MAPKAP1: variants seen among roughly 807,000 people sequenced by gnomAD.
The protein encoded by MAPKAP1 is MAPK associated protein 1.
A neutral mutation model predicts 65.7 loss-of-function variants in MAPKAP1; 20 were observed. That is an observed-to-expected ratio of 0.30 (90% CI 0.21 to 0.44). The LOEUF is 0.44. MAPKAP1 is among the 20% of genes least tolerant of loss of function. The pLI is 1.00. For synonymous variants in MAPKAP1, 222 were observed against 244.3 expected (o/e 0.91, Z 0.85); for missense variants, 423 against 648.0 (o/e 0.65, Z 3.77).
chr9:125,522,460 GGCCTC>G (rs1829647571), intron 7 of MAPKAP1, among the ~76,000 whole-genome samples: 1 of 152,162 alleles, frequency 6.6e-6, no homozygotes, highest in South Asian at 2.1e-4. Flanking sequence ...CTCTGCATCT[GGCCTC>G]TAAGGACTTG....
At chr9:125,513,781 C>T (rs974648509) in intron 7 of MAPKAP1, among the ~76,000 whole-genome samples, 4 of 152,078 alleles carry the variant, frequency 2.6e-5, no homozygotes, top group South Asian at 2.1e-4. Context: ...GAGGGCACAC[C>T]GGGGCAGGGA....
In MAPKAP1 at chr9:125,672,649, A is replaced by C; in HGVS notation, c.-69-6T>G. On this transcript the variant is annotated splice_polypyrimidine_tract_variant and splice_region_variant and intron_variant, in intron 1 of 11. Transcript: ENST00000265960. ...TGTTTCACGAGCTCACCTACCTAGA[A>C]ACATGATGTACACAGCAAATATTTA... The C allele has an allele frequency of 2.0e-6, 3 of 1,498,742 alleles. No individual in the cohort carries two copies. The highest frequency in any genetic ancestry group is 2.8e-6 in the Non-Finnish European group (3 of 1,089,450). The allele number at this position is 1,498,742 out of a possible 1,614,324, so 92.8% of individuals were successfully genotyped here. A position where few individuals can be genotyped will look rare whatever the true frequency, so the allele number is the denominator to read the frequency against.
chr9:125,564,926 C>T (rs1831002723), intron 5 of MAPKAP1, among the ~76,000 whole-genome samples: 1 of 151,966 alleles, frequency 6.6e-6, no homozygotes, highest in South Asian at 2.1e-4. Flanking sequence ...TAACTGGATC[C>T]ACAGGAAGAG....
intron 4 of MAPKAP1, among the ~76,000 whole-genome samples, chr9:125,610,295 C>G (rs963856590): frequency 3.3e-5 from 5 of 152,084 alleles, no homozygotes; most frequent in African/African-American, 1.2e-4. Flanking sequence ...AAGTATGTAT[C>G]CTGACCAACC....
chr9:125,588,347 AC>A (rs1367613688), intron 4 of MAPKAP1, among the ~76,000 whole-genome samples: 1 of 152,218 alleles, frequency 6.6e-6, no homozygotes, highest in African/African-American at 2.4e-5. Flanking sequence ...ACTGTTCAGA[AC>A]AGGCAAATCC....
chr9:125,467,493 T>C (rs1008368059), intron 10 of MAPKAP1, among the ~76,000 whole-genome samples: 2 of 152,270 alleles, frequency 1.3e-5, no homozygotes, highest in Admixed American at 6.5e-5. Context: ...CTGCCAATAA[T>C]CTAGGGGGTG....
chr9:125,490,862 G>A (rs529087353), intron 8 of MAPKAP1, among the ~76,000 whole-genome samples: 6 of 152,292 alleles, frequency 3.9e-5, no homozygotes, highest in African/African-American at 1.4e-4. Flanking sequence ...GCCTGGCTAG[G>A]TGCAGTGGCT....
intron 4 of MAPKAP1, among the ~76,000 whole-genome samples, chr9:125,612,768 G>T (rs13285366): frequency 2.0e-5 from 3 of 152,006 alleles, no homozygotes; most frequent in African/African-American, 7.3e-5. Flanking sequence ...TGCAGCCCAG[G>T]TTCCTCATGC....
chr9:125,548,968 G>C (rs1283625651), intron 6 of MAPKAP1, among the ~76,000 whole-genome samples: 1 of 152,164 alleles, frequency 6.6e-6, no homozygotes, highest in Non-Finnish European at 1.5e-5. Flanking sequence ...CTTGAACCCA[G>C]ATCAGCTAGA....
chr9:125,663,144 G>T (rs1834237339), intron 3 of MAPKAP1, among the ~76,000 whole-genome samples: 1 of 152,062 alleles, frequency 6.6e-6, no homozygotes, highest in South Asian at 2.1e-4. Context: ...TCACCTCAGA[G>T]AAAAAATACA....
intron 8 of MAPKAP1, among the ~76,000 whole-genome samples, chr9:125,492,187 G>A (rs1026029789): frequency 6.6e-5 from 10 of 152,144 alleles, no homozygotes; most frequent in African/African-American, 2.4e-4. Context: ...GGCGAGACCT[G>A]GCGACAGGGC....
At chr9:125,497,827 T>C (rs1335335354) in intron 8 of MAPKAP1, among the ~76,000 whole-genome samples, 2 of 152,232 alleles carry the variant, frequency 1.3e-5, no homozygotes, top group South Asian at 2.1e-4. Flanking sequence ...GCCCTGATGA[T>C]GGGAAATTCC....
At position 125,459,854 on chromosome 9, in the gene MAPKAP1, G is replaced by GGAAAGAGAGGGAGA. The variant is rs71374270; in HGVS notation, c.1345+8117_1345+8118insTCTCCCTCTCTTTC. Among the ~76,000 whole-genome samples the GGAAAGAGAGGGAGA allele has an allele frequency of 1.7e-4, 22 of 127,436 alleles. 1 individual carries two copies. The highest frequency in any genetic ancestry group is 5.1e-4 in the African/African-American group (17 of 33,156). 83.6% of individuals were successfully genotyped at this position (127,436 alleles called of 152,430 possible). On this transcript the variant is annotated intron_variant, in intron 10 of 11. Transcript: ENST00000265960. Reference sequence around the variant, plus strand: ...GGAAAGAGAGGGAGAGGGAGACCGTGGGGAGAGGGAGAGGGAGAGGGACGC... The same window carrying GGAAAGAGAGGGAGA: ...GGAAAGAGAGGGAGAGGGAGACCGTGGAAAGAGAGGGAGAGGGAGAGGGAGAGGGAGAGGGACGC...
At chr9:125,462,123 C>A (rs972647205) in intron 10 of MAPKAP1, among the ~76,000 whole-genome samples, 1 of 152,222 alleles carries the variant, frequency 6.6e-6, no homozygotes, top group Non-Finnish European at 1.5e-5. Context: ...CAAGCAAGAG[C>A]GCACATGCGT....
intron 10 of MAPKAP1, among the ~76,000 whole-genome samples, chr9:125,458,895 G>A (rs1476204720): frequency 2.2e-3 from 3 of 1,336 alleles, no homozygotes; most frequent in Admixed American, 9.8e-3. Flanking sequence ...CGGGCGGGGC[G>A]GCTGGCCGGG....
At chr9:125,446,670 GAC>G (rs1241608183) in intron 10 of MAPKAP1, among the ~76,000 whole-genome samples, 1 of 152,094 alleles carries the variant, frequency 6.6e-6, no homozygotes, top group Non-Finnish European at 1.5e-5. Context: ...AACTGGTCAC[GAC>G]ACACAAAGAC....
chr9:125,559,326 A>C (rs1035715267), intron 6 of MAPKAP1: 1 of 210,108 alleles, frequency 4.8e-6, no homozygotes, highest in African/African-American at 2.3e-5. Flanking sequence ...GAGAAGGTGC[A>C]AACCTAGAAG....
chr9:125,700,379 T>A (rs1404509626), intron 1 of MAPKAP1, among the ~76,000 whole-genome samples: 1 of 152,182 alleles, frequency 6.6e-6, no homozygotes, highest in African/African-American at 2.4e-5. Flanking sequence ...GCATCAATAA[T>A]AAAAGTATAT....
intron 2 of MAPKAP1, 107 bp from the exon 3 acceptor site, chr9:125,670,014 TAGAGAA>T (rs1834450257): frequency 1.6e-6 from 1 of 611,146 alleles, no homozygotes. Flanking sequence ...ATTGCATATG[TAGAGAA>T]AAAGTCATAA....
Sources: gnomAD v4.1 joint callset for allele counts (sites outside exome capture counted in the v4.1 genomes callset) on GRCh38, gnomAD v4.1.1 for gene constraint, MANE v1.5 for transcripts, NCBI Gene and HGNC (gene_info 2026-07-23, HGNC 2026-07-21) for gene names.